Variants in SRFBP1 observed in about 807,000 individuals in gnomAD.
SRFBP1 encodes serum response factor binding protein 1.
Under a neutral mutation model 45.5 loss-of-function variants are expected in SRFBP1, and 47 were observed. That is an observed-to-expected ratio of 1.03 (90% CI 0.82 to 1.32). The LOEUF is 1.32. SRFBP1 is among the 40% of genes most tolerant of loss of function. The probability of loss-of-function intolerance (pLI) is 0.00; values close to 1 mark genes in which losing one functional copy is unlikely to be tolerated. For synonymous variants in SRFBP1, 203 were observed against 166.3 expected (o/e 1.22, Z -1.70); for missense variants, 621 against 484.6 (o/e 1.28, Z -2.64).
At chr5:122,058,138 G>A (rs1394493354) in intron 2 of SRFBP1, among the ~76,000 whole-genome samples, 1 of 152,082 alleles carries the variant, frequency 6.6e-6, no homozygotes, top group Admixed American at 6.6e-5. Context: ...TCACTTTCTT[G>A]ATAGCATTAT....
downstream of SRFBP1, among the ~76,000 whole-genome samples, chr5:122,076,482 G>A (rs778105508): frequency 6.6e-6 from 1 of 152,256 alleles, no homozygotes; most frequent in South Asian, 2.1e-4. Flanking sequence ...CTTTACCAAT[G>A]AGGCTACGAT....
Position 121,991,493 on chromosome 5 carries a change from A to G in SRFBP1, c.199-3106A>G, listed in dbSNP as rs567357182. 2.2e-4 allele frequency among the ~76,000 whole-genome samples: 33 copies of G among 152,266 alleles called. No individual in the cohort carries two copies. The South Asian group carries it at 2.3e-3, about 11-fold the overall frequency. ...ACTCTTAGGAGGATTCAGAAAAGCT[A>G]TGTGTGAAATTTTCTGTAATCTTTG... On this transcript the variant is annotated intron_variant, in intron 3 of 7. Coordinates refer to ENST00000339397, the MANE Select transcript of SRFBP1 (RefSeq NM_152546.3).
intron 1 of SRFBP1, among the ~76,000 whole-genome samples, chr5:121,966,015 G>T (rs1233264187): frequency 1.3e-5 from 2 of 152,120 alleles, no homozygotes; most frequent in Non-Finnish European, 2.9e-5. Flanking sequence ...GGGAATGCTT[G>T]TGATTTTTGC....
chr5:122,065,347 T>G (rs569805451), intron 2 of SRFBP1: 4 of 152,254 alleles, frequency 2.6e-5, no homozygotes, highest in African/African-American at 9.6e-5. Context: ...AAATCTTACT[T>G]GAGATTTTAA....
In SRFBP1 at chr5:121,975,335, T is replaced by TA; in HGVS notation, c.152dup (p.Asn51LysfsTer10). 1 of 1,613,276 alleles carries TA rather than the reference T, an allele frequency of 6.2e-7. No homozygotes were observed. The highest frequency in any genetic ancestry group is 8.5e-7 in the Non-Finnish European group (1 of 1,179,348). On this transcript the variant is annotated frameshift_variant, in exon 3 of 8. Coordinates refer to ENST00000339397, the MANE Select transcript of SRFBP1 (RefSeq NM_152546.3). LOFTEE classifies it high-confidence loss of function. ...TGCAGGGGTACTGAAGATGCACTGT[T>TA]AAAAAACCAAAGACGGGCGCAAAGA...
At chr5:122,007,982 G>A (rs1379188232) in intron 4 of SRFBP1, among the ~76,000 whole-genome samples, 2 of 151,690 alleles carry the variant, frequency 1.3e-5, no homozygotes, top group Admixed American at 6.6e-5. Context: ...ACTGGGGTCG[G>A]TATATATCCT....
At chr5:122,058,884 C>T (rs1188197398) in intron 2 of SRFBP1, among the ~76,000 whole-genome samples, 1 of 152,084 alleles carries the variant, frequency 6.6e-6, no homozygotes, top group Non-Finnish European at 1.5e-5. Flanking sequence ...TGCCAACCAA[C>T]TAAAATTATT....
intron 4 of SRFBP1, among the ~76,000 whole-genome samples, chr5:122,011,467 A>G (rs1753094133): frequency 6.6e-6 from 1 of 152,170 alleles, no homozygotes; most frequent in South Asian, 2.1e-4. Flanking sequence ...ATGCAGGTGT[A>G]AAAACTATTT....
rs199714868 is a variant in SRFBP1 at position 122,020,085 on chromosome 5, C to A, written c.353-3C>A. ...AATGAGTGATGCACTGTTTCTCTTG[C>A]AGCTGCTGTACAAGCCTTTAAAGAA... On this transcript the variant is annotated splice_region_variant and splice_polypyrimidine_tract_variant and intron_variant, in intron 5 of 7. Coordinates refer to ENST00000339397, the MANE Select transcript of SRFBP1 (RefSeq NM_152546.3). 46 of 1,532,750 alleles carry A rather than the reference C, an allele frequency of 3.0e-5. No individual in the cohort carries two copies. The highest frequency in any genetic ancestry group is 9.0e-5 in the East Asian group (4 of 44,234). 94.9% of individuals were successfully genotyped at this position (1,532,750 alleles called of 1,614,324 possible). A position where few individuals can be genotyped will look rare whatever the true frequency, so the allele number is the denominator to read the frequency against.
At chr5:122,013,346 A>G (rs1319768335) in intron 4 of SRFBP1, among the ~76,000 whole-genome samples, 2 of 152,138 alleles carry the variant, frequency 1.3e-5, no homozygotes, top group African/African-American at 2.4e-5. Context: ...AATTAGAAGC[A>G]CTGAGTACAT....
intron 2 of SRFBP1, among the ~76,000 whole-genome samples, chr5:122,054,664 A>G (rs1205353850): frequency 6.6e-6 from 1 of 152,216 alleles, no homozygotes; most frequent in African/African-American, 2.4e-5. Flanking sequence ...TTTTCTGAGT[A>G]ATGATTAAAT....
At chr5:122,057,425 A>G (rs918368412) in intron 2 of SRFBP1, among the ~76,000 whole-genome samples, 3 of 151,882 alleles carry the variant, frequency 2.0e-5, no homozygotes, top group African/African-American at 4.8e-5. Context: ...GCTCAAATGA[A>G]AAAACATATA....
At chr5:121,998,869 A>C (rs186852754) in intron 4 of SRFBP1, among the ~76,000 whole-genome samples, 1 of 151,548 alleles carries the variant, frequency 6.6e-6, no homozygotes, top group Non-Finnish European at 1.5e-5. Flanking sequence ...TACATCTTCC[A>C]CTCTTTGGAT....
intron 3 of SRFBP1, among the ~76,000 whole-genome samples, chr5:121,990,776 G>GCC (rs1427365931): frequency 6.6e-6 from 1 of 152,086 alleles, no homozygotes; most frequent in African/African-American, 2.4e-5. Flanking sequence ...AGCAAAAGTT[G>GCC]TTTGTTTTAT....
rs932808006 is a variant in SRFBP1 at position 122,020,492 on chromosome 5, T to A, written c.757T>A (p.Phe253Ile). 5 of 1,613,922 alleles carry A rather than the reference T, an allele frequency of 3.1e-6. No individual in the cohort carries two copies. Among genetic ancestry groups the A allele is most frequent in the African/African-American group, 1.3e-5 (1 of 74,888 alleles). ...LSGNSDGGEE[F>I]CEEEKEYFDD... ...TGGTAACAGTGATGGCGGAGAAGAATTTTGTGAAGAGGAGAAGGAATATTT... is the reference window on the plus strand; with the variant it reads ...TGGTAACAGTGATGGCGGAGAAGAAATTTGTGAAGAGGAGAAGGAATATTT... Residue 253 changes from phenylalanine to isoleucine, a missense_variant, in exon 6 of 8, where the codon TTT (phenylalanine) becomes ATT (isoleucine). Phe to Ile is a conservative substitution (Grantham distance 21, BLOSUM62 0). Coordinates refer to ENST00000339397, the MANE Select transcript of SRFBP1 (RefSeq NM_152546.3).
chr5:122,046,023 TG>T (rs1392628145), intron 2 of SRFBP1, among the ~76,000 whole-genome samples: 1 of 152,136 alleles, frequency 6.6e-6, no homozygotes, highest in Admixed American at 6.6e-5. Flanking sequence ...TTTAAAAGTA[TG>T]ATCCTTCAAT....
At chr5:122,051,734 G>T (rs1300328462) in intron 2 of SRFBP1, among the ~76,000 whole-genome samples, 1 of 151,488 alleles carries the variant, frequency 6.6e-6, no homozygotes, top group Non-Finnish European at 1.5e-5. Context: ...TTTTAATTGG[G>T]GCATTTAGCA....
intron 3 of SRFBP1, among the ~76,000 whole-genome samples, chr5:121,979,594 C>T (rs1409225313): frequency 2.6e-5 from 4 of 152,102 alleles, no homozygotes; most frequent in African/African-American, 7.2e-5. Context: ...TACAAATAAT[C>T]GTGTTATCAA....
At chr5:121,962,278 A>T (rs890783826) in intron 1 of SRFBP1, among the ~76,000 whole-genome samples, 2 of 152,160 alleles carry the variant, frequency 1.3e-5, no homozygotes, top group African/African-American at 4.8e-5. Context: ...GTCAGGCCCC[A>T]CGAATTTATG....
Sources: allele counts gnomAD v4.1 joint callset (sites outside exome capture counted in the v4.1 genomes callset), GRCh38; gene constraint gnomAD v4.1.1; transcripts MANE v1.5; gene names NCBI Gene and HGNC (gene_info 2026-07-23, HGNC 2026-07-21).